ROBO2: variants seen among roughly 807,000 people sequenced by gnomAD.
The protein encoded by ROBO2 is roundabout guidance receptor 2.
In ROBO2, 53 loss-of-function variants were observed where a neutral mutation model predicts 160.8. That is an observed-to-expected ratio of 0.33 (90% confidence interval 0.26 to 0.41). The LOEUF (loss-of-function observed/expected upper bound fraction) is 0.41. ROBO2 is among the 10% of genes least tolerant of loss of function. The pLI is 1.00. For synonymous variants in ROBO2, 664 were observed against 611.7 expected (o/e 1.09, Z -1.26); for missense variants, 1,577 against 1,722.4 (o/e 0.92, Z 1.49).
intron 2 of ROBO2, among the ~76,000 whole-genome samples, chr3:77,233,658 T>C (rs566370259): frequency 1.4e-4 from 22 of 152,352 alleles, no homozygotes; most frequent in African/African-American, 5.0e-4. Context: ...CACTTTATTA[T>C]TTTAATATTT....
At chr3:77,158,643 T>C (rs2078223180) in intron 2 of ROBO2, among the ~76,000 whole-genome samples, 1 of 152,144 alleles carries the variant, frequency 6.6e-6, no homozygotes, top group Admixed American at 6.5e-5. Flanking sequence ...TAGGTTTAGC[T>C]CATAACTAAA....
intron 2 of ROBO2, among the ~76,000 whole-genome samples, chr3:76,134,516 G>T (rs1431380592): frequency 6.6e-6 from 1 of 152,040 alleles, no homozygotes; most frequent in East Asian, 1.9e-4. Flanking sequence ...GACAGTATCA[G>T]GAAAACCCTT....
At chr3:76,795,568 G>A (rs1282750898) in intron 2 of ROBO2, among the ~76,000 whole-genome samples, 1 of 152,086 alleles carries the variant, frequency 6.6e-6, no homozygotes, top group African/African-American at 2.4e-5. Flanking sequence ...TAATGAGATT[G>A]CAGCAATTCA....
chr3:77,382,477 G>A (rs914035238), intron 2 of ROBO2, among the ~76,000 whole-genome samples: 1 of 151,402 alleles, frequency 6.6e-6, no homozygotes, highest in African/African-American at 2.4e-5. Flanking sequence ...GTTGAATTGT[G>A]TAGCGGCGAA....
chr3:76,853,850 T>A (rs2069692215), intron 2 of ROBO2, among the ~76,000 whole-genome samples: 1 of 152,140 alleles, frequency 6.6e-6, no homozygotes, highest in Non-Finnish European at 1.5e-5. Context: ...GTGTTTATTA[T>A]CTGGTAGCTT....
At chr3:77,434,705 G>A (rs73099880) in intron 2 of ROBO2, among the ~76,000 whole-genome samples, 5,194 of 152,148 alleles carry the variant, frequency 0.034, 139 homozygotes, top group Middle Eastern at 0.055. Context: ...AAGTTGATGA[G>A]TTCCAGCTAC....
At chr3:76,257,960 A>T (rs967474896) in intron 2 of ROBO2, among the ~76,000 whole-genome samples, 1 of 152,162 alleles carries the variant, frequency 6.6e-6, no homozygotes, top group African/African-American at 2.4e-5. Flanking sequence ...ATATTTCAGC[A>T]CTTGGTATAT....
At chr3:76,917,421 T>C (rs1408989463) in intron 2 of ROBO2, among the ~76,000 whole-genome samples, 2 of 152,166 alleles carry the variant, frequency 1.3e-5, no homozygotes, top group Admixed American at 1.3e-4. Flanking sequence ...AGAAAAATGA[T>C]TGATAAGTGT....
At chr3:76,796,855 C>A (rs2063739003) in intron 2 of ROBO2, among the ~76,000 whole-genome samples, 1 of 151,546 alleles carries the variant, frequency 6.6e-6, no homozygotes. Context: ...GGAATCAAGC[C>A]CCTTATATAA....
chr3:75,945,152 C>G (rs1457711615), intron 2 of ROBO2, among the ~76,000 whole-genome samples: 1 of 152,134 alleles, frequency 6.6e-6, no homozygotes, highest in Non-Finnish European at 1.5e-5. Flanking sequence ...GACCAAAACT[C>G]TGCCATCATG....
intron 2 of ROBO2, among the ~76,000 whole-genome samples, chr3:76,881,665 GA>G (rs2073348009): frequency 6.6e-6 from 1 of 152,176 alleles, no homozygotes; most frequent in African/African-American, 2.4e-5. Context: ...CATGTTGAAT[GA>G]AAATCTACAT....
chr3:76,756,435 C>A (rs1248402202), intron 2 of ROBO2, among the ~76,000 whole-genome samples: 1 of 151,750 alleles, frequency 6.6e-6, no homozygotes, highest in Non-Finnish European at 1.5e-5. Context: ...CCAGACATTC[C>A]ATTGCAGTGA....
chr3:76,266,887 C>G (rs746474194), intron 2 of ROBO2, among the ~76,000 whole-genome samples: 1 of 152,128 alleles, frequency 6.6e-6, no homozygotes, highest in Non-Finnish European at 1.5e-5. Flanking sequence ...TCCCTTAGAT[C>G]TCTCAAATAA....
intron 2 of ROBO2, among the ~76,000 whole-genome samples, chr3:77,360,096 T>C (rs1283642044): frequency 6.6e-6 from 1 of 152,168 alleles, no homozygotes; most frequent in Non-Finnish European, 1.5e-5. Flanking sequence ...ATCCCCTAAG[T>C]TTATTTAGCA....
intron 2 of ROBO2, among the ~76,000 whole-genome samples, chr3:76,120,460 A>G (rs2070704658): frequency 6.6e-6 from 1 of 152,210 alleles, no homozygotes; most frequent in Non-Finnish European, 1.5e-5. Flanking sequence ...GTTCTTTAAT[A>G]AACATAACTG....
chr3:76,179,949 G>A (rs1015617065), intron 2 of ROBO2, among the ~76,000 whole-genome samples: 5 of 152,002 alleles, frequency 3.3e-5, no homozygotes, highest in East Asian at 1.9e-4. Context: ...CTATAGAACC[G>A]GTACCTGATT....
chr3:75,980,182 C>T (rs1472228740), intron 2 of ROBO2, among the ~76,000 whole-genome samples: 1 of 151,412 alleles, frequency 6.6e-6, no homozygotes, highest in African/African-American at 2.4e-5. Flanking sequence ...AAAGTGCTTA[C>T]GTTTCTCTTA....
intron 2 of ROBO2, among the ~76,000 whole-genome samples, chr3:76,155,793 T>C (rs1022166009): frequency 6.6e-6 from 1 of 152,226 alleles, no homozygotes; most frequent in Admixed American, 6.5e-5. Context: ...AAAGAATATC[T>C]GTAATCCTCT....
intron 2 of ROBO2, among the ~76,000 whole-genome samples, chr3:76,321,315 G>A (rs778309874): frequency 6.6e-6 from 1 of 152,052 alleles, no homozygotes; most frequent in Non-Finnish European, 1.5e-5. Flanking sequence ...AAGAGATCGA[G>A]ACCATCCTGG....
Sources: allele counts gnomAD v4.1 joint callset (sites outside exome capture counted in the v4.1 genomes callset), GRCh38; gene constraint gnomAD v4.1.1; transcripts MANE v1.5; gene names NCBI Gene and HGNC (gene_info 2026-07-23, HGNC 2026-07-21).